ECI2: variants seen among roughly 807,000 people sequenced by gnomAD.
The protein encoded by ECI2 is D3,D2-enoyl-CoA isomerase.
A neutral mutation model predicts 38.4 loss-of-function variants in ECI2; 27 were observed. The ratio of observed to expected loss-of-function variants is 0.70; its 90% confidence interval spans 0.52 to 0.97. The LOEUF is 0.97. Among genes scored for constraint, ECI2 ranks in the 50% least tolerant of loss-of-function variants. ECI2 has a pLI of 0.00. For synonymous variants in ECI2, 168 were observed against 172.0 expected (o/e 0.98, Z 0.18); for missense variants, 470 against 474.4 (o/e 0.99, Z 0.09).
At chr6:4,125,820 A>T in intron 6 of ECI2, 1 of 461,110 alleles carries the variant, frequency 2.2e-6, no homozygotes, top group South Asian at 2.0e-5. Flanking sequence ...GAAATCTCCC[A>T]TTCCTCTGGC....
chr6:4,128,132 A>C (rs1773297405), intron 4 of ECI2, among the ~76,000 whole-genome samples: 1 of 152,134 alleles, frequency 6.6e-6, no homozygotes, highest in Non-Finnish European at 1.5e-5. Flanking sequence ...TTAACAGAGG[A>C]CTTAACATGT....
intron 2 of ECI2, among the ~76,000 whole-genome samples, chr6:4,132,618 G>A (rs1372519635): frequency 6.6e-6 from 1 of 152,108 alleles, no homozygotes; most frequent in Non-Finnish European, 1.5e-5. Flanking sequence ...GAAGTCTTTG[G>A]CATTGAAACT....
chr6:4,121,631 T>C (rs1274222630), intron 7 of ECI2, among the ~76,000 whole-genome samples: 1 of 152,118 alleles, frequency 6.6e-6, no homozygotes, highest in Non-Finnish European at 1.5e-5. Flanking sequence ...AGTGGTTTTT[T>C]TGGTTGGCTT....
intron 6 of ECI2, chr6:4,125,763 C>T (rs1773109574): frequency 4.8e-6 from 2 of 416,866 alleles, no homozygotes; most frequent in Non-Finnish European, 9.0e-6. Flanking sequence ...ATGACCTCCT[C>T]CTGTGTTTAC....
intron 2 of ECI2, among the ~76,000 whole-genome samples, chr6:4,131,552 GAAGA>G (rs1221976873): frequency 6.6e-6 from 1 of 152,060 alleles, no homozygotes; most frequent in Non-Finnish European, 1.5e-5. Flanking sequence ...AGAGAGGAAA[GAAGA>G]AAGAGTCTTT....
intron 4 of ECI2, among the ~76,000 whole-genome samples, chr6:4,129,142 G>C (rs1225464468): frequency 2.7e-5 from 4 of 148,482 alleles, no homozygotes; most frequent in African/African-American, 7.7e-5. Flanking sequence ...TTTTGAGATG[G>C]AGTCTCATTG....
At chr6:4,128,843 G>A (rs924619345) in intron 4 of ECI2, among the ~76,000 whole-genome samples, 1 of 152,134 alleles carries the variant, frequency 6.6e-6, no homozygotes, top group Non-Finnish European at 1.5e-5. Context: ...CAGGTTCCGC[G>A]GATTTTGTTG....
chr6:4,119,125 A>G (rs1772488943), intron 8 of ECI2, 61 bp downstream of exon 8: 31 of 1,323,750 alleles, frequency 2.3e-5, no homozygotes, highest in Non-Finnish European at 2.6e-5. Flanking sequence ...ATATGAGATT[A>G]CTCTTCCTTC....
chr6:4,135,488 A>G, intron 1 of ECI2, 23 bp downstream of exon 1: 1 of 1,611,566 alleles, frequency 6.2e-7, no homozygotes, highest in Middle Eastern at 1.7e-4. Flanking sequence ...CCATGGGCCG[A>G]ACGGCCGGGA....
In ECI2 at chr6:4,130,941, C is replaced by G. The variant is rs1005543385; in HGVS notation, c.214-76G>C. The G allele has an allele frequency of 4.3e-6, 6 of 1,402,736 alleles. No individual in the cohort carries two copies. The African/African-American group carries it at 5.7e-5, about 13-fold the overall frequency. 86.9% of individuals were successfully genotyped at this position (1,402,736 alleles called of 1,614,324 possible). ...CCTAAATATTTAAGATCCATAAAATCTGTAAGTACATGAATGCCTCCCCCA... is the reference window on the plus strand; with the variant it reads ...CCTAAATATTTAAGATCCATAAAATGTGTAAGTACATGAATGCCTCCCCCA... On this transcript the variant is annotated intron_variant, in intron 2 of 9. Coordinates refer to ENST00000380118, the MANE Select transcript of ECI2 (RefSeq NM_206836.3).
intron 4 of ECI2, chr6:4,130,080 T>G (rs1199560843): frequency 4.4e-6 from 7 of 1,603,936 alleles, no homozygotes; most frequent in Non-Finnish European, 6.0e-6. Flanking sequence ...ATGGCTTCTA[T>G]GCAAATTCTC....
At chr6:4,125,165 T>A in intron 7 of ECI2, 85 bp downstream of exon 7, 12 of 1,570,624 alleles carry the variant, frequency 7.6e-6, no homozygotes, top group Non-Finnish European at 1.0e-5. Flanking sequence ...GTAACCTGCT[T>A]ATGACTGGCA....
rs184137636 is a variant in ECI2, at chr6:4,132,172, A to T, written c.214-1307T>A. Among the ~76,000 whole-genome samples, 293 of 152,358 alleles carry T rather than the reference A, an allele frequency of 1.9e-3. 3 individuals are homozygous for T. The highest frequency in any genetic ancestry group is 3.4e-3 in the Middle Eastern group (1 of 294). On this transcript the variant is annotated intron_variant, in intron 2 of 9. Transcript: ENST00000380118. ...AAGGGAAAGGATAGAGATTAGAATC[A>T]TCCAAGGGAGGACACACACAGGATG...
At chr6:4,135,441 G>A (rs1275740189) in intron 1 of ECI2, 70 bp downstream of exon 1, 4 of 1,607,920 alleles carry the variant, frequency 2.5e-6, no homozygotes, top group Non-Finnish European at 3.4e-6. Context: ...TTCCAACGGC[G>A]GCGACCTTCG....
intron 7 of ECI2, among the ~76,000 whole-genome samples, chr6:4,123,246 G>A (rs757119352): frequency 8.6e-5 from 13 of 151,414 alleles, no homozygotes; most frequent in South Asian, 2.1e-4. Context: ...GTACGATCTC[G>A]GCTCACTGCA....
chr6:4,128,752 A>C (rs1305221584), intron 4 of ECI2, among the ~76,000 whole-genome samples: 2 of 151,990 alleles, frequency 1.3e-5, no homozygotes, highest in African/African-American at 4.8e-5. Context: ...CAGTATTATA[A>C]TAACTCTAGA....
At chr6:4,129,840 A>C (rs548567329) in intron 4 of ECI2, among the ~76,000 whole-genome samples, 118 of 152,092 alleles carry the variant, frequency 7.8e-4, no homozygotes, top group African/African-American at 2.5e-3. Flanking sequence ...GAAGGGGCTA[A>C]GGTAGTTATT....
intron 9 of ECI2, 108 bp from the exon 10 acceptor site, chr6:4,116,137 G>A (rs767404309): frequency 1.5e-5 from 19 of 1,261,728 alleles, no homozygotes; most frequent in Non-Finnish European, 2.0e-5. Flanking sequence ...GATCAGTTGA[G>A]GTCAGGAGTT....
In ECI2 at chr6:4,124,325, C is replaced by T. The variant is rs147483132; in HGVS notation, c.795+925G>A. ...CAATGGAATCCAGCAAAAGAAAATTCGAAGAATTAAGGATGCTATTATATG... is the reference window on the plus strand; with the variant it reads ...CAATGGAATCCAGCAAAAGAAAATTTGAAGAATTAAGGATGCTATTATATG... On this transcript the variant is annotated intron_variant, in intron 7 of 9. Transcript: ENST00000380118. Among the ~76,000 whole-genome samples, 117 of 152,230 alleles carry T rather than the reference C, an allele frequency of 7.7e-4. 1 individual carries two copies. Among genetic ancestry groups the T allele is most frequent in the African/African-American group, 2.7e-3 (114 of 41,534 alleles).
Sources: allele counts gnomAD v4.1 joint callset (sites outside exome capture counted in the v4.1 genomes callset), GRCh38; gene constraint gnomAD v4.1.1; transcripts MANE v1.5; gene names NCBI Gene and HGNC (gene_info 2026-07-23, HGNC 2026-07-21).